The following IGSF9B variants were observed in gnomAD, a reference collection of about 807,000 sequenced individuals.
IGSF9B encodes immunoglobulin superfamily member 9B.
IGSF9B carries 48 observed loss-of-function variants against 143.7 expected under a neutral mutation model. The ratio of observed to expected loss-of-function variants is 0.33; its 90% CI spans 0.26 to 0.42. The LOEUF (loss-of-function observed/expected upper bound fraction) is 0.42. Ranked by LOEUF, IGSF9B falls within the 20% of genes least tolerant of loss-of-function variation. IGSF9B has a pLI of 1.00. For synonymous variants in IGSF9B, 903 were observed against 833.1 expected (o/e 1.08, Z -1.44); for missense variants, 1,706 against 1,980.0 (o/e 0.86, Z 2.63).
intron 18 of IGSF9B, chr11:133,912,208 G>A (rs768783747): frequency 1.4e-4 from 99 of 717,690 alleles, no homozygotes; most frequent in Non-Finnish European, 2.2e-4. Context: ...AGCTCCAGGA[G>A]CATGGCCCAC....
chr11:133,955,803 C>T (rs1448509282), intron 1 of IGSF9B, among the ~76,000 whole-genome samples: 16 of 152,202 alleles, frequency 1.1e-4, no homozygotes, highest in Non-Finnish European at 1.9e-4. Flanking sequence ...GTGGCTCCCC[C>T]CTTGCGTCTC....
Position 133,925,910 on chromosome 11 carries a change from G to A in IGSF9B, c.1863C>T (p.Leu621=), listed in dbSNP as rs746183111. The A allele has an allele frequency of 2.5e-6, 4 of 1,611,418 alleles. No individual in the cohort carries two copies. Among genetic ancestry groups the A allele is most frequent in the East Asian group, 4.5e-5 (2 of 44,760 alleles). ...CACCCTGCTGAGTCCGATTGGCTAT[G>A]AGGCACCTCGGTGGGGTGACCAGCA... The part of the protein sequence containing the change: ...PLVLVTPPRC[L]IANRTQQGVL... Residue 621 remains leucine (L), a synonymous_variant, in exon 14 of 20, where the codon CTC becomes CTT. Transcript: ENST00000533871.
In IGSF9B at chr11:133,919,973, G is replaced by C. The variant is rs1288204109; in HGVS notation, c.3752C>G (p.Ser1251Cys). The change falls in exon 18 of 20, where the codon TCT (serine) becomes TGT (cysteine). Residue 1251 changes from serine to cysteine, a missense_variant. By Grantham distance (112) the Ser-to-Cys change is moderately radical (BLOSUM62 -1). Coordinates refer to ENST00000533871, the MANE Select transcript of IGSF9B (RefSeq NM_001277285.4). ...PPAAVSFSRKSTPSTGSPSQS... is the reference protein window; with the variant it reads ...PPAAVSFSRKCTPSTGSPSQS... The stretch of plus-strand genomic sequence containing the variant: ...GGAGGGGGAGCCTGTGGACGGCGTA[G>C]ACTTTCGAGAAAAGCTGACTGCAGC... 6 of 1,572,894 alleles carry C rather than the reference G, an allele frequency of 3.8e-6. No homozygotes were observed. In the Admixed American group the frequency reaches 1.1e-4, roughly 30 times the overall value.
At position 133,929,746 on chromosome 11, in the gene IGSF9B, T is replaced by C. The variant is rs756792287; in HGVS notation, c.1556A>G (p.Gln519Arg). The part of the protein sequence containing the change: ...SPHAPGSVRV[Q>R]VSMTTANVSW... ...CACGTTGGCAGTTGTCATGGAGACC[T>C]GGACCCGGACACTGCCCGGGGCATG... The change falls in exon 12 of 20, where the codon CAG (glutamine) becomes CGG (arginine). Residue 519 changes from glutamine to arginine, a missense_variant. Physicochemically the swap from Gln to Arg is conservative, Grantham distance 43. Around this residue, in one of 7 missense-constraint regions of IGSF9B, gnomAD observed 267 missense variants for 321.1 expected, o/e 0.83. Coordinates refer to ENST00000533871, the MANE Select transcript of IGSF9B (RefSeq NM_001277285.4). The C allele has an allele frequency of 3.7e-6, 6 of 1,613,768 alleles. 1 individual carries two copies. In the South Asian group the frequency reaches 6.6e-5, roughly 18 times the overall value.
At chr11:133,912,966 G>A (rs1406759727) in intron 18 of IGSF9B, among the ~76,000 whole-genome samples, 2 of 152,136 alleles carry the variant, frequency 1.3e-5, no homozygotes, top group South Asian at 2.1e-4. Flanking sequence ...TGTGACACTC[G>A]GTGCATATTG....
Position 133,907,584 on chromosome 11 carries a change from C to T in IGSF9B, c.*1485G>A, listed in dbSNP as rs571102017. Reference sequence around the variant, plus strand: ...CCGCCCTCGGGGCCTTCTGCCCTGCCCTTGGGCAGCACCATATCTTACCGG... The same window carrying T: ...CCGCCCTCGGGGCCTTCTGCCCTGCTCTTGGGCAGCACCATATCTTACCGG... On this transcript the variant is annotated 3_prime_UTR_variant, in exon 20 of 20. Coordinates refer to ENST00000533871, the MANE Select transcript of IGSF9B (RefSeq NM_001277285.4). Among the ~76,000 whole-genome samples, 10 of 152,366 alleles carry T rather than the reference C, an allele frequency of 6.6e-5. No individual in the cohort carries two copies. Among genetic ancestry groups the T allele is most frequent in the Non-Finnish European group, 1.3e-4 (9 of 68,038 alleles).
chr11:133,903,363 C>T lies in IGSF9B; in HGVS notation c.*5706G>A, dbSNP rs912842446. On this transcript the variant is annotated 3_prime_UTR_variant, in exon 20 of 20. Transcript: ENST00000533871. ...AGCCACGGGGTTAAAACTGTCCAATCTAGCTCTCCCAGCCAGGGCTCCAAA... is the reference window on the plus strand; with the variant it reads ...AGCCACGGGGTTAAAACTGTCCAATTTAGCTCTCCCAGCCAGGGCTCCAAA... Among the ~76,000 whole-genome samples the T allele has an allele frequency of 6.6e-5, 10 of 152,162 alleles. No homozygotes were observed. The highest frequency in any genetic ancestry group is 2.4e-4 in the African/African-American group (10 of 41,422).
chr11:133,932,238 A>T (rs1395839681), intron 7 of IGSF9B, 25 bp from the exon 8 acceptor site: 10 of 1,542,842 alleles, frequency 6.5e-6, no homozygotes, highest in Non-Finnish European at 7.9e-6. Flanking sequence ...CGCAGGTGAG[A>T]GAGCAGACAG....
At chr11:133,936,337 G>A in intron 5 of IGSF9B, 143 bp from the exon 6 acceptor site, 3 of 723,714 alleles carry the variant, frequency 4.1e-6, no homozygotes, top group Admixed American at 4.8e-5. Flanking sequence ...ACTTCCAGAT[G>A]CTATCTGTGC....
At chr11:133,923,599 A>C (rs995372603) in intron 15 of IGSF9B, among the ~76,000 whole-genome samples, 2 of 152,258 alleles carry the variant, frequency 1.3e-5, no homozygotes, top group African/African-American at 4.8e-5. Flanking sequence ...GATAGATTGT[A>C]ACGTATTTGG....
At position 133,931,249 on chromosome 11, in the gene IGSF9B, T is replaced by C. The variant is rs1939723214; in HGVS notation, c.1369-115A>G. The C allele has an allele frequency of 4.5e-6, 5 of 1,112,976 alleles. No individual in the cohort carries two copies. The highest frequency in any genetic ancestry group is 6.5e-6 in the Non-Finnish European group (5 of 767,002). 68.9% of individuals were successfully genotyped at this position (1,112,976 alleles called of 1,614,324 possible). ...CCCCGGCCCGCCCACGCTGCCCTCC[T>C]CCCGAGTGCCTGCCGCTCTTCAGGG... On this transcript the variant is annotated intron_variant, in intron 10 of 19. Coordinates refer to ENST00000533871, the MANE Select transcript of IGSF9B (RefSeq NM_001277285.4). This position sits in a 1 kb window ranked among gnomAD's most constrained non-coding sequence, Gnocchi z 7.7.
In IGSF9B at chr11:133,908,827, T is replaced by C; in HGVS notation, c.*242A>G. ...CAGGGGGCGGAGGGGAGGAGACAGG[T>C]GTTGCCCAGTCTCCAATCCACTTCC... On this transcript the variant is annotated 3_prime_UTR_variant, in exon 20 of 20. Transcript: ENST00000533871. The C allele has an allele frequency of 4.0e-6, 2 of 495,016 alleles. No individual in the cohort carries two copies. The highest frequency in any genetic ancestry group is 7.2e-6 in the Non-Finnish European group (2 of 277,312). 30.7% of individuals were successfully genotyped at this position (495,016 alleles called of 1,614,324 possible). A position where few individuals can be genotyped will look rare whatever the true frequency, so the allele number is the denominator to read the frequency against.
chr11:133,929,750 C>T lies in IGSF9B; in HGVS notation c.1552G>A (p.Val518Ile). ...TTGGCAGTTGTCATGGAGACCTGGA[C>T]CCGGACACTGCCCGGGGCATGGGGG... ...TSPHAPGSVR[V>I]QVSMTTANVS... Residue 518 changes from valine to isoleucine, a missense_variant, in exon 12 of 20, where the codon GTC (valine) becomes ATC (isoleucine). Val to Ile is a conservative substitution (Grantham distance 29). Around this residue, in one of 7 missense-constraint regions of IGSF9B, gnomAD observed 267 missense variants for 321.1 expected, o/e 0.83. Coordinates refer to ENST00000533871, the MANE Select transcript of IGSF9B (RefSeq NM_001277285.4). 2 of 1,613,864 alleles carry T rather than the reference C, an allele frequency of 1.2e-6. No individual in the cohort carries two copies. Among genetic ancestry groups the T allele is most frequent in the Non-Finnish European group, 1.7e-6 (2 of 1,179,798 alleles).
At chr11:133,951,672 A>T (rs1940161031) in intron 1 of IGSF9B, among the ~76,000 whole-genome samples, 1 of 152,134 alleles carries the variant, frequency 6.6e-6, no homozygotes, top group African/African-American at 2.4e-5. Context: ...AGCAGAGGCA[A>T]AGCCACACCC....
At chr11:133,916,222 C>T (rs752932269) in intron 18 of IGSF9B, among the ~76,000 whole-genome samples, 2 of 151,850 alleles carry the variant, frequency 1.3e-5, no homozygotes, top group Non-Finnish European at 2.9e-5. Flanking sequence ...GACAGGTCCA[C>T]GCAATACAAC....
intron 12 of IGSF9B, 68 bp from the exon 13 acceptor site, chr11:133,927,159 G>A (rs1350267746): frequency 2.3e-6 from 3 of 1,303,638 alleles, no homozygotes; most frequent in Non-Finnish European, 3.2e-6. Flanking sequence ...AGAAGAGGGT[G>A]CATGCAGGGT....
Position 133,931,790 on chromosome 11 carries a change from G to C in IGSF9B, c.1116C>G (p.Leu372=), listed in dbSNP as rs374145432. The change falls in exon 9 of 20, where the codon CTC becomes CTG. Residue 372 remains leucine, a synonymous_variant. Transcript: ENST00000533871. This position sits in a 1 kb window ranked among gnomAD's most constrained non-coding sequence, Gnocchi z 7.7. The part of the protein sequence containing the change: ...DGRPLQVEKN[L]GWTLMEDGSI... ...AGCCATCCTCCATCAGGGTCCAACC[G>C]AGGTTCTGCCAGACACAGACGATAG... 1.2e-5 allele frequency: 19 copies of C among 1,611,776 alleles called. No individual in the cohort carries two copies. The highest frequency in any genetic ancestry group is 3.4e-5 in the Admixed American group (2 of 59,492).
intron 4 of IGSF9B, 50 bp downstream of exon 4, chr11:133,937,760 G>C: frequency 6.3e-7 from 1 of 1,582,596 alleles, no homozygotes; most frequent in Non-Finnish European, 8.6e-7. Flanking sequence ...GGCTGCCCTG[G>C]GGAAACGGGG....
Position 133,932,137 on chromosome 11 carries a change from C to T in IGSF9B, c.1044G>A (p.Val348=), listed in dbSNP as rs1429154209. The T allele has an allele frequency of 4.3e-6, 7 of 1,612,832 alleles. No individual in the cohort carries two copies. The highest frequency in any genetic ancestry group is 5.9e-6 in the Non-Finnish European group (7 of 1,179,516). ...CCACGGTGGCCGGTGGTTCTGCGTC[C>T]ACAGGGCAGCGGATGTAGCCATGGA... The part of the protein sequence containing the change: ...VGIHGYIRCP[V]DAEPPATVVK... Residue 348 remains valine, a synonymous_variant, in exon 8 of 20, where the codon GTG becomes GTA. Transcript: ENST00000533871.
Sources: gnomAD v4.1 joint callset for allele counts (sites outside exome capture counted in the v4.1 genomes callset) on GRCh38, gnomAD v4.1.1 for gene constraint, gnomAD v4.1.1 regional missense constraint, Gnocchi (gnomAD v3.1) non-coding constraint, MANE v1.5 for transcripts, NCBI Gene and HGNC (gene_info 2026-07-23, HGNC 2026-07-21) for gene names.